Variants in PRKCD observed in about 807,000 individuals in gnomAD.
PRKCD encodes the protein protein kinase C delta type.
Under a neutral mutation model 82.2 loss-of-function variants are expected in PRKCD, and 20 were observed. The ratio of observed to expected loss-of-function variants is 0.24; its 90% CI spans 0.17 to 0.35. The LOEUF (loss-of-function observed/expected upper bound fraction) is 0.35, where lower values mean the gene tolerates loss of function less well. Among genes scored for constraint, PRKCD ranks in the 10% least tolerant of loss-of-function variants. PRKCD has a pLI of 1.00. For missense variants in PRKCD, 607 were observed against 899.0 expected, an observed-to-expected ratio of 0.68 and a Z score of 4.15; for synonymous variants, 317 against 337.0, an observed-to-expected ratio of 0.94 and a Z score of 0.65.
chr3:53,171,230 C>T (rs1366302948), intron 2 of PRKCD, among the ~76,000 whole-genome samples: 2 of 152,220 alleles, frequency 1.3e-5, no homozygotes, highest in Admixed American at 1.3e-4. Context: ...TGGGGCACCG[C>T]CCTCTGACTG....
At chr3:53,177,501 C>T (rs1352856443) in intron 2 of PRKCD, among the ~76,000 whole-genome samples, 2 of 152,226 alleles carry the variant, frequency 1.3e-5, no homozygotes, top group East Asian at 1.9e-4. Context: ...TTCAGTTTCC[C>T]CATCTGAAAA....
Position 53,192,293 on chromosome 3 carries a change from T to TGCCC in PRKCD, c.*28_*31dup. On this transcript the variant is annotated 3_prime_UTR_variant, in exon 19 of 19. Transcript: ENST00000330452. ...GTTCCTGGACAGATCAGGCTAGCCC[T>TGCCC]GCCCTCCACCCACACCTGCCCGCTC... The TGCCC allele has an allele frequency of 6.2e-7, 1 of 1,610,814 alleles. No individual in the cohort carries two copies. The highest frequency in any genetic ancestry group is 8.5e-7 in the Non-Finnish European group (1 of 1,177,466).
chr3:53,179,334 C>T lies in PRKCD; in HGVS notation c.116-243C>T, dbSNP rs948536633. The stretch of plus-strand genomic sequence containing the variant: ...CCCTGCATGAATGCATAAGGGCAGG[C>T]GACATTTAAATGGAGCTGGAGCAAG... On this transcript the variant is annotated intron_variant, in intron 3 of 18. Coordinates refer to ENST00000330452, the MANE Select transcript of PRKCD (RefSeq NM_006254.4). 1.7e-4 allele frequency: 105 copies of T among 620,324 alleles called. 2 individuals are homozygous for T. The highest frequency in any genetic ancestry group is 1.5e-3 in the South Asian group (94 of 61,292). 38.4% of individuals were successfully genotyped at this position (620,324 alleles called of 1,614,324 possible). A position where few individuals can be genotyped will look rare whatever the true frequency, so the allele number is the denominator to read the frequency against.
At chr3:53,172,842 C>A (rs2107237529) in intron 2 of PRKCD, among the ~76,000 whole-genome samples, 1 of 152,348 alleles carries the variant, frequency 6.6e-6, no homozygotes, top group African/African-American at 2.4e-5. Flanking sequence ...CCTCTTTCCT[C>A]CAGCCCAGCT....
intron 14 of PRKCD, 43 bp downstream of exon 14, chr3:53,186,738 G>A (rs1703710105): frequency 6.6e-7 from 1 of 1,524,364 alleles, no homozygotes; most frequent in Admixed American, 1.8e-5. Flanking sequence ...TGTGGAGGAA[G>A]GGCTACTGGC....
rs1703448112 is a variant in PRKCD at position 53,181,684 on chromosome 3, T to G, written c.540-17T>G. 1 of 1,612,370 alleles carries G rather than the reference T, an allele frequency of 6.2e-7. No individual in the cohort carries two copies. Among genetic ancestry groups the G allele is most frequent in the African/African-American group, 1.3e-5 (1 of 74,924 alleles). ...CCGGTCCCCGCTCACTCACTTTGCCTGGGTTTTGCCTTTCAGGGGCCTCAA... is the reference window on the plus strand; with the variant it reads ...CCGGTCCCCGCTCACTCACTTTGCCGGGGTTTTGCCTTTCAGGGGCCTCAA... On this transcript the variant is annotated splice_polypyrimidine_tract_variant and intron_variant, in intron 6 of 18. Transcript: ENST00000330452.
intron 10 of PRKCD, among the ~76,000 whole-genome samples, chr3:53,185,245 G>A (rs146516302): frequency 3.1e-4 from 47 of 152,360 alleles, no homozygotes; most frequent in Admixed American, 1.1e-3. Flanking sequence ...CTTTGGGTGT[G>A]GACGTTTGTA....
rs980931135 is a variant in PRKCD, at chr3:53,181,072, C to T, written c.316-135C>T. 2.7e-5 allele frequency: 24 copies of T among 899,710 alleles called. No individual in the cohort carries two copies. In the African/African-American group the frequency reaches 3.8e-4, roughly 14 times the overall value. The allele number at this position is 899,710 out of a possible 1,614,324, so 55.7% of individuals were successfully genotyped here. ...CAGGCGGGGCCCTGCCCACACTGGG[C>T]AGACAAGTGTCTGGCTAGGCCTTGG... On this transcript the variant is annotated intron_variant, in intron 4 of 18. Transcript: ENST00000330452.
chr3:53,181,976 G>T, intron 7 of PRKCD: 1 of 687,578 alleles, frequency 1.5e-6, no homozygotes, highest in Non-Finnish European at 2.6e-6. Flanking sequence ...GATGGCAATT[G>T]GGCACAGTAG....
chr3:53,184,711 C>T (rs1031805255), intron 9 of PRKCD, among the ~76,000 whole-genome samples, 163 bp from the exon 10 acceptor site: 5 of 149,500 alleles, frequency 3.3e-5, no homozygotes, highest in Non-Finnish European at 7.4e-5. Context: ...AGAGAGAGAT[C>T]GAAGTATTTA....
chr3:53,183,384 G>A (rs998947168), intron 8 of PRKCD, 68 bp from the exon 9 acceptor site: 126 of 1,602,000 alleles, frequency 7.9e-5, no homozygotes, highest in Non-Finnish European at 1.0e-4. Flanking sequence ...GGTTGGGGGA[G>A]AGCTAGGGGT....
chr3:53,180,794 A>G (rs1260635929), intron 4 of PRKCD, among the ~76,000 whole-genome samples: 1 of 152,094 alleles, frequency 6.6e-6, no homozygotes, highest in Non-Finnish European at 1.5e-5. Context: ...CTCGGCACAG[A>G]GGGAGGAGCA....
At chr3:53,183,611 G>C in intron 9 of PRKCD, 30 bp downstream of exon 9, 1 of 1,611,280 alleles carries the variant, frequency 6.2e-7, no homozygotes, top group Non-Finnish European at 8.5e-7. Context: ...TGGGCTGCAG[G>C]AGGGGCACTC....
In PRKCD at chr3:53,183,243, G is replaced by A. The variant is rs1553668189; in HGVS notation, c.657+37G>A. On this transcript the variant is annotated intron_variant, in intron 8 of 18. Coordinates refer to ENST00000330452, the MANE Select transcript of PRKCD (RefSeq NM_006254.4). ...TCCGGGGCAGGGCTGGGGATCTGGG[G>A]GGCTTGGCCAGATGGGAGGGATTTG... 17 of 1,607,468 alleles carry A rather than the reference G, an allele frequency of 1.1e-5. No individual in the cohort carries two copies. In the East Asian group the frequency reaches 3.6e-4, roughly 34 times the overall value.
chr3:53,187,156 A>G (rs1050243144), intron 14 of PRKCD, among the ~76,000 whole-genome samples, 184 bp from the exon 15 acceptor site: 1 of 151,486 alleles, frequency 6.6e-6, no homozygotes, highest in Non-Finnish European at 1.5e-5. Flanking sequence ...CTTTCCCTTC[A>G]GAACTTTCTG....
At chr3:53,161,955 C>T (rs1702678797) in intron 1 of PRKCD, among the ~76,000 whole-genome samples, 1 of 150,574 alleles carries the variant, frequency 6.6e-6, no homozygotes, top group African/African-American at 2.4e-5. Flanking sequence ...AGTCCAGCCG[C>T]CTCTCCGCTC....
intron 11 of PRKCD, 109 bp from the exon 12 acceptor site, chr3:53,185,818 C>T (rs782808715): frequency 2.1e-5 from 32 of 1,508,618 alleles, no homozygotes; most frequent in South Asian, 3.4e-5. Flanking sequence ...TCCTGGGGAG[C>T]GAGCCCCTTC....
chr3:53,185,874 G>C (rs782259060), intron 11 of PRKCD, 53 bp from the exon 12 acceptor site: 3 of 1,595,444 alleles, frequency 1.9e-6, no homozygotes, highest in Non-Finnish European at 2.6e-6. Context: ...CCCGGGGGAG[G>C]GGAGTTGTGT....
intron 18 of PRKCD, among the ~76,000 whole-genome samples, chr3:53,191,302 G>A (rs1194098832): frequency 6.6e-6 from 1 of 152,312 alleles, no homozygotes; most frequent in East Asian, 1.9e-4. Flanking sequence ...CAGCTACTCA[G>A]GAGGCTGAGG....
Sources: gnomAD v4.1 joint callset for allele counts (sites outside exome capture counted in the v4.1 genomes callset) on GRCh38, gnomAD v4.1.1 for gene constraint, MANE v1.5 for transcripts, NCBI Gene and HGNC (gene_info 2026-07-23, HGNC 2026-07-21) for gene names.